The following RNF130 variants were observed in gnomAD, a reference collection of about 807,000 sequenced individuals.
RNF130 encodes E3 ubiquitin-protein ligase RNF130.
RNF130 carries 21 observed loss-of-function variants against 44.6 expected under a neutral mutation model. That is an observed-to-expected ratio of 0.47 (90% CI 0.33 to 0.68). The LOEUF (loss-of-function observed/expected upper bound fraction) is 0.68, where lower values mean the gene tolerates loss of function less well. RNF130 is among the 30% of genes least tolerant of loss of function. The pLI, the probability that RNF130 is intolerant of heterozygous loss-of-function variation, is 0.02. For synonymous variants in RNF130, 214 were observed against 210.4 expected, an observed-to-expected ratio of 1.02 and a Z score of -0.15; for missense variants, 479 against 560.6, an observed-to-expected ratio of 0.85 and a Z score of 1.47.
chr5:179,963,396 C>T, intron 8 of RNF130, 75 bp downstream of exon 8: 1 of 1,136,428 alleles, frequency 8.8e-7, no homozygotes, highest in Non-Finnish European at 1.3e-6. Context: ...GTTCTCACCA[C>T]CTTCATGAAA....
At chr5:179,956,704 C>T (rs1427257822) in intron 8 of RNF130, among the ~76,000 whole-genome samples, 1 of 152,228 alleles carries the variant, frequency 6.6e-6, no homozygotes, top group Non-Finnish European at 1.5e-5. Flanking sequence ...GCCTTTTCAG[C>T]TCCCCCAAAG....
At chr5:179,993,811 C>T (rs1763145466) in intron 3 of RNF130, among the ~76,000 whole-genome samples, 1 of 152,148 alleles carries the variant, frequency 6.6e-6, no homozygotes, top group Non-Finnish European at 1.5e-5. Flanking sequence ...ATGCCTATGT[C>T]CTGAATGGTA....
chr5:180,071,350 G>C, intron 1 of RNF130, 106 bp downstream of exon 1: 6 of 1,110,156 alleles, frequency 5.4e-6, no homozygotes, highest in Non-Finnish European at 6.8e-6. Context: ...GCTGTCGGCC[G>C]GGCAGCGCGG....
chr5:179,974,198 C>G (rs996927744), intron 5 of RNF130, among the ~76,000 whole-genome samples: 1 of 152,180 alleles, frequency 6.6e-6, no homozygotes, highest in African/African-American at 2.4e-5. Flanking sequence ...CTCTATGGAC[C>G]CTCGGCTGCA....
At chr5:179,998,131 G>A (rs1763245959) in intron 3 of RNF130, among the ~76,000 whole-genome samples, 1 of 152,216 alleles carries the variant, frequency 6.6e-6, no homozygotes, top group African/African-American at 2.4e-5. Flanking sequence ...GAGCCACTGT[G>A]CTTGGCCTGT....
chr5:180,017,436 G>A (rs1763767159), intron 2 of RNF130, among the ~76,000 whole-genome samples: 1 of 152,112 alleles, frequency 6.6e-6, no homozygotes, highest in Non-Finnish European at 1.5e-5. Context: ...CTTCCAGATT[G>A]TGTGACTAGC....
chr5:179,985,514 G>A (rs1762933786), intron 3 of RNF130, among the ~76,000 whole-genome samples: 1 of 152,066 alleles, frequency 6.6e-6, no homozygotes, highest in Admixed American at 6.5e-5. Context: ...TGAATTCATG[G>A]GGTTCTGGGT....
At chr5:179,949,987 A>G (rs1483837284) in intron 7 of RNF130, among the ~76,000 whole-genome samples, 2 of 152,100 alleles carry the variant, frequency 1.3e-5, no homozygotes, top group Admixed American at 1.3e-4. Context: ...CACTGACCCC[A>G]TTTGTTTGAA....
chr5:180,010,117 G>A (rs1307292304), intron 3 of RNF130, among the ~76,000 whole-genome samples: 1 of 151,814 alleles, frequency 6.6e-6, no homozygotes, highest in Non-Finnish European at 1.5e-5. Context: ...CACGGTGGCA[G>A]GCACCTGTAG....
intron 2 of RNF130, among the ~76,000 whole-genome samples, chr5:180,034,215 C>A (rs1300804341): frequency 2.7e-5 from 4 of 149,922 alleles, no homozygotes; most frequent in Non-Finnish European, 4.4e-5. Flanking sequence ...AAAAAAAAAA[C>A]CATATATCCC....
At chr5:179,924,293 C>G (rs74871978) in intron 7 of RNF130, among the ~76,000 whole-genome samples, 2 of 147,720 alleles carry the variant, frequency 1.4e-5, no homozygotes, top group Admixed American at 1.4e-4. Flanking sequence ...GTTGGGAGTG[C>G]GAGACCAGCC....
Position 179,977,172 on chromosome 5 carries a change from C to T in RNF130, c.848+1031G>A, listed in dbSNP as rs939426868. 3.3e-5 allele frequency: 5 copies of T among 152,204 alleles called. No homozygotes were observed. The highest frequency in any genetic ancestry group is 5.9e-5 in the Non-Finnish European group (4 of 68,072). The allele number at this position is 152,204 out of a possible 1,614,324, so 9.4% of individuals were successfully genotyped here. ...TCACTGTACAACGGGGAAAACACAC[C>T]CTCTTAGGACTGCTGGGAGAATTAT... On this transcript the variant is annotated intron_variant, in intron 5 of 8. Coordinates refer to ENST00000521389, the MANE Select transcript of RNF130 (RefSeq NM_018434.6). This position sits in a 1 kb window ranked among gnomAD's most constrained non-coding sequence, Gnocchi z 4.1.
intron 3 of RNF130, among the ~76,000 whole-genome samples, chr5:179,984,748 C>T (rs1218257133): frequency 2.0e-5 from 3 of 152,094 alleles, no homozygotes; most frequent in Non-Finnish European, 4.4e-5. Context: ...ATACTGGTGC[C>T]ATACAATGAA....
chr5:180,055,168 T>A (rs1764777702), intron 1 of RNF130, among the ~76,000 whole-genome samples: 1 of 137,378 alleles, frequency 7.3e-6, no homozygotes, highest in South Asian at 2.3e-4. Flanking sequence ...AACCCATCTC[T>A]ACTAAAAATA....
At chr5:180,033,615 G>C (rs1764182912) in intron 2 of RNF130, among the ~76,000 whole-genome samples, 1 of 151,620 alleles carries the variant, frequency 6.6e-6, no homozygotes, top group Non-Finnish European at 1.5e-5. Context: ...ACTTTCACTT[G>C]AACCCAGGAG....
chr5:180,071,625 C>T lies in RNF130; in HGVS notation c.78G>A (p.Arg26=), dbSNP rs1398936923. Residue 26 remains arginine (R), a synonymous_variant, in exon 1 of 9, where the codon CGG becomes CGA. Coordinates refer to ENST00000521389, the MANE Select transcript of RNF130 (RefSeq NM_018434.6). The part of the protein sequence containing the change: ...ALLTCSLWPA[R]ADNASQEYYT... ...AGTACTCCTGGCTCGCGTTGTCTGC[C>T]CGTGCCGGCCACAGGCTGCAGGTCA... 1 of 1,502,206 alleles carries T rather than the reference C, an allele frequency of 6.7e-7. No individual in the cohort carries two copies. The highest frequency in any genetic ancestry group is 8.9e-7 in the Non-Finnish European group (1 of 1,124,778). The allele number at this position is 1,502,206 out of a possible 1,614,324, so 93.1% of individuals were successfully genotyped here.
intron 5 of RNF130, among the ~76,000 whole-genome samples, chr5:179,971,808 A>G (rs549669006): frequency 6.6e-6 from 1 of 152,352 alleles, no homozygotes; most frequent in South Asian, 2.1e-4. Context: ...AGGTCTAGAG[A>G]ACTCAGTTTC....
Position 179,945,272 on chromosome 5 carries a change from GTGT to G in RNF130, c.1150+21531_1150+21533del, listed in dbSNP as rs200346337. Among the ~76,000 whole-genome samples, 1,219 of 152,196 alleles carry G rather than the reference GTGT, an allele frequency of 8.0e-3. 18 individuals are homozygous for G. Among genetic ancestry groups the G allele is most frequent in the African/African-American group, 0.028 (1,163 of 41,492 alleles). ...AAGGCTCAGTCCCACACCCTGCAGGGTGTGCTGACTGCACCTGGGAAAACAGTG... is the reference window on the plus strand; with the variant it reads ...AAGGCTCAGTCCCACACCCTGCAGGGGCTGACTGCACCTGGGAAAACAGTG... On this transcript the variant is annotated intron_variant, in intron 7 of 7. Transcript: ENST00000522208.
At chr5:179,921,641 AC>A (rs1247259537) in intron 7 of RNF130, among the ~76,000 whole-genome samples, 3 of 152,204 alleles carry the variant, frequency 2.0e-5, no homozygotes, top group African/African-American at 7.2e-5. Flanking sequence ...CTACTAAGAT[AC>A]AAAAATTAGC....
Sources: gnomAD v4.1 joint callset for allele counts (sites outside exome capture counted in the v4.1 genomes callset) on GRCh38, gnomAD v4.1.1 for gene constraint, Gnocchi (gnomAD v3.1) non-coding constraint, MANE v1.5 for transcripts, NCBI Gene and HGNC (gene_info 2026-07-23, HGNC 2026-07-21) for gene names.